The following ZRANB3 variants were observed in gnomAD, a reference collection of about 807,000 sequenced individuals.
The protein encoded by ZRANB3 is zinc finger RANBP2-type containing 3.
Under a neutral mutation model 133.8 loss-of-function variants are expected in ZRANB3, and 125 were observed. The ratio of observed to expected loss-of-function variants is 0.93; its 90% CI spans 0.81 to 1.08. The LOEUF (loss-of-function observed/expected upper bound fraction) is 1.08. Ranked by LOEUF, ZRANB3 falls within the 50% of genes least tolerant of loss-of-function variation. ZRANB3 has a pLI of 0.00. For missense variants in ZRANB3, 1,229 were observed against 1,275.5 expected, an observed-to-expected ratio of 0.96 and a Z score of 0.56; for synonymous variants, 387 against 432.7, an observed-to-expected ratio of 0.89 and a Z score of 1.31.
intron 19 of ZRANB3, 77 bp from the exon 20 acceptor site, chr2:135,203,040 A>G (rs1693688067): frequency 2.0e-6 from 3 of 1,516,364 alleles, no homozygotes; most frequent in Non-Finnish European, 2.7e-6. Context: ...TTGTGCAATC[A>G]TGTATGTTTA....
intron 2 of ZRANB3, among the ~76,000 whole-genome samples, chr2:135,426,313 G>A (rs1005134759): frequency 3.3e-5 from 5 of 151,968 alleles, no homozygotes; most frequent in South Asian, 2.1e-4. Context: ...GAGGGGGAGG[G>A]ACTCCTCCCT....
At chr2:135,446,631 G>A (rs978129019) in intron 2 of ZRANB3, among the ~76,000 whole-genome samples, 1 of 152,186 alleles carries the variant, frequency 6.6e-6, no homozygotes, top group Non-Finnish European at 1.5e-5. Flanking sequence ...CTAGCCACAT[G>A]AGGACAGAAA....
At chr2:135,356,977 C>G (rs1402642681) in intron 3 of ZRANB3, among the ~76,000 whole-genome samples, 1 of 152,168 alleles carries the variant, frequency 6.6e-6, no homozygotes, top group Non-Finnish European at 1.5e-5. Flanking sequence ...GGCCACCATG[C>G]CCGGCCTAAT....
intron 8 of ZRANB3, among the ~76,000 whole-genome samples, chr2:135,298,448 C>T (rs1344280897): frequency 6.6e-6 from 1 of 151,980 alleles, no homozygotes; most frequent in Non-Finnish European, 1.5e-5. Context: ...TTGGGTAGAC[C>T]ATGTCAGAGG....
At chr2:135,490,091 A>G (rs972553854) in intron 2 of ZRANB3, among the ~76,000 whole-genome samples, 2 of 152,238 alleles carry the variant, frequency 1.3e-5, no homozygotes, top group African/African-American at 4.8e-5. Context: ...TAAGTAGAAA[A>G]AAATCCAGTG....
intron 12 of ZRANB3, among the ~76,000 whole-genome samples, chr2:135,256,329 T>G (rs774163565): frequency 4.6e-5 from 7 of 152,086 alleles, no homozygotes; most frequent in East Asian, 1.9e-4. Flanking sequence ...TGTATCTTTT[T>G]TTTGTTTGTT....
intron 2 of ZRANB3, among the ~76,000 whole-genome samples, chr2:135,468,496 T>C (rs1324127265): frequency 1.3e-5 from 2 of 152,220 alleles, no homozygotes; most frequent in Non-Finnish European, 2.9e-5. Flanking sequence ...TGTAACAAAA[T>C]TTATGTATGC....
In ZRANB3 at chr2:135,355,548, G is replaced by C. The variant is rs1230675938; in HGVS notation, c.181-1920C>G. Reference sequence around the variant, plus strand: ...AATTTTATATTTTTAGCAGAGACGGGGTTTCTCCATGTTGGTCAGGCTGGT... The same window carrying C: ...AATTTTATATTTTTAGCAGAGACGGCGTTTCTCCATGTTGGTCAGGCTGGT... On this transcript the variant is annotated intron_variant, in intron 3 of 20. Transcript: ENST00000264159. 2.0e-5 allele frequency among the ~76,000 whole-genome samples: 3 copies of C among 152,026 alleles called. No homozygotes were observed. The East Asian group carries it at 5.8e-4, about 29-fold the overall frequency.
intron 19 of ZRANB3, among the ~76,000 whole-genome samples, chr2:135,205,797 CAT>C (rs752370073): frequency 3.3e-4 from 50 of 152,172 alleles, no homozygotes; most frequent in East Asian, 5.8e-4. Flanking sequence ...GCAATGAACA[CAT>C]ATATGTGTGT....
At chr2:135,332,151 A>G (rs545223362) in intron 6 of ZRANB3, among the ~76,000 whole-genome samples, 2 of 152,288 alleles carry the variant, frequency 1.3e-5, no homozygotes, top group South Asian at 4.1e-4. Flanking sequence ...TTAGTATAGT[A>G]GAATTATGGT....
intron 11 of ZRANB3, among the ~76,000 whole-genome samples, chr2:135,268,476 C>G (rs914413334): frequency 1.3e-5 from 2 of 152,044 alleles, no homozygotes; most frequent in African/African-American, 4.8e-5. Flanking sequence ...CAGAAATCAT[C>G]TAATCCTTAG....
intron 1 of ZRANB3, among the ~76,000 whole-genome samples, chr2:135,516,892 G>A (rs1176276946): frequency 1.3e-5 from 2 of 152,082 alleles, no homozygotes; most frequent in African/African-American, 4.8e-5. Flanking sequence ...TATTCTCCCT[G>A]TCACTTTCAG....
At chr2:135,347,407 C>T in intron 5 of ZRANB3, among the ~76,000 whole-genome samples, 1 of 152,042 alleles carries the variant, frequency 6.6e-6, no homozygotes, top group Non-Finnish European at 1.5e-5. Flanking sequence ...ATTCTCTTGC[C>T]TCAGCCTCCC....
chr2:135,265,901 A>G (rs1002678395), intron 11 of ZRANB3, among the ~76,000 whole-genome samples: 1 of 152,180 alleles, frequency 6.6e-6, no homozygotes, highest in Non-Finnish European at 1.5e-5. Context: ...CTCTTGGCCA[A>G]GAGCATTCTA....
chr2:135,484,282 G>A (rs1033281739), intron 2 of ZRANB3, among the ~76,000 whole-genome samples: 5 of 152,144 alleles, frequency 3.3e-5, no homozygotes, highest in Non-Finnish European at 4.4e-5. Flanking sequence ...GCCATACAAA[G>A]AGTATGAACT....
At chr2:135,274,223 T>C (rs142728564) in intron 9 of ZRANB3, among the ~76,000 whole-genome samples, 1 of 152,388 alleles carries the variant, frequency 6.6e-6, no homozygotes, top group Non-Finnish European at 1.5e-5. Flanking sequence ...AAGGAAGATG[T>C]TGTCACTCAC....
intron 15 of ZRANB3, among the ~76,000 whole-genome samples, chr2:135,220,854 ATTTATT>A (rs1694519779): frequency 6.9e-6 from 1 of 144,892 alleles, no homozygotes; most frequent in African/African-American, 2.7e-5. Context: ...TGAACTAGGA[ATTTATT>A]TTTTTTTTTT....
intron 12 of ZRANB3, among the ~76,000 whole-genome samples, chr2:135,253,204 A>G (rs1054906015): frequency 6.6e-6 from 1 of 152,228 alleles, no homozygotes; most frequent in African/African-American, 2.4e-5. Context: ...GTCAGCACAG[A>G]TCTAGCGGCA....
chr2:135,363,138 C>T (rs752048260), intron 3 of ZRANB3, among the ~76,000 whole-genome samples: 32 of 152,196 alleles, frequency 2.1e-4, no homozygotes, highest in Non-Finnish European at 4.0e-4. Flanking sequence ...TAATCTATAT[C>T]ACACAGTGCC....
Sources: gnomAD v4.1 joint callset for allele counts (sites outside exome capture counted in the v4.1 genomes callset) on GRCh38, gnomAD v4.1.1 for gene constraint, MANE v1.5 for transcripts, NCBI Gene and HGNC (gene_info 2026-07-23, HGNC 2026-07-21) for gene names.